Variants in SKAP1 observed in about 807,000 individuals in gnomAD.
SKAP1 encodes src kinase associated phosphoprotein 1.
Under a neutral mutation model 58.5 loss-of-function variants are expected in SKAP1, and 44 were observed. That is an observed-to-expected ratio of 0.75 (90% CI 0.59 to 0.97). The LOEUF (loss-of-function observed/expected upper bound fraction) is 0.97, where lower values mean the gene tolerates loss of function less well. Ranked by LOEUF, SKAP1 falls within the 50% of genes least tolerant of loss-of-function variation. SKAP1 has a pLI of 0.00. For missense variants in SKAP1, 390 were observed against 435.2 expected (o/e 0.90, Z 0.92); for synonymous variants, 127 against 149.7 (o/e 0.85, Z 1.11).
At chr17:48,353,969 A>G (rs1271363387) in intron 3 of SKAP1, among the ~76,000 whole-genome samples, 1 of 148,866 alleles carries the variant, frequency 6.7e-6, no homozygotes, top group East Asian at 2.0e-4. Flanking sequence ...AGAGGAAGAA[A>G]AAGAAGAAGA....
At chr17:48,195,564 T>C (rs1206309265) in intron 4 of SKAP1, among the ~76,000 whole-genome samples, 1 of 152,204 alleles carries the variant, frequency 6.6e-6, no homozygotes, top group African/African-American at 2.4e-5. Context: ...CAGATGGCTT[T>C]AAACTAACTG....
intron 4 of SKAP1, among the ~76,000 whole-genome samples, chr17:48,222,005 T>G (rs775381259): frequency 6.6e-6 from 1 of 152,186 alleles, no homozygotes; most frequent in African/African-American, 2.4e-5. Flanking sequence ...AAATATGGTA[T>G]GTAAATGTAA....
At chr17:48,409,771 G>C (rs1225796096) in intron 1 of SKAP1, among the ~76,000 whole-genome samples, 1 of 151,954 alleles carries the variant, frequency 6.6e-6, no homozygotes, top group Non-Finnish European at 1.5e-5. Context: ...TTTTAGGGTA[G>C]TGAAATTATA....
chr17:48,395,291 C>A (rs1473036864), intron 2 of SKAP1, among the ~76,000 whole-genome samples: 3 of 152,134 alleles, frequency 2.0e-5, no homozygotes, highest in Non-Finnish European at 2.9e-5. Context: ...TGCTGTGGTA[C>A]AAATACAGGA....
At chr17:48,433,694 G>A (rs1033480997), upstream of SKAP1, among the ~76,000 whole-genome samples, 1 of 152,202 alleles carries the variant, frequency 6.6e-6, no homozygotes, top group Admixed American at 6.5e-5. Flanking sequence ...GATCTAAAGA[G>A]ATGTAGAACA....
At chr17:48,135,115 T>G (rs1195090717) in intron 12 of SKAP1, among the ~76,000 whole-genome samples, 2 of 152,238 alleles carry the variant, frequency 1.3e-5, no homozygotes, top group East Asian at 3.8e-4. Flanking sequence ...AGGCCTGAGC[T>G]GGTGTTGTAT....
chr17:48,364,689 A>G (rs527733942), intron 2 of SKAP1, among the ~76,000 whole-genome samples: 1 of 152,088 alleles, frequency 6.6e-6, no homozygotes, highest in East Asian at 1.9e-4. Context: ...AAACAAAACA[A>G]ACAACAACAA....
intron 1 of SKAP1, among the ~76,000 whole-genome samples, chr17:48,404,545 T>C (rs1210948212): frequency 6.6e-6 from 1 of 152,074 alleles, no homozygotes; most frequent in Non-Finnish European, 1.5e-5. Flanking sequence ...GAGAGGAAAA[T>C]ATATACTAAA....
intron 4 of SKAP1, among the ~76,000 whole-genome samples, chr17:48,287,758 G>A (rs1429353152): frequency 1.3e-5 from 2 of 152,056 alleles, no homozygotes; most frequent in Non-Finnish European, 2.9e-5. Flanking sequence ...TCAAATACCC[G>A]TCAGCTGTAC....
chr17:48,202,863 A>G (rs1390348963), intron 4 of SKAP1, among the ~76,000 whole-genome samples: 1 of 152,224 alleles, frequency 6.6e-6, no homozygotes, highest in Non-Finnish European at 1.5e-5. Flanking sequence ...AATCTAAACT[A>G]GGCCCTGCCA....
At chr17:48,204,006 C>T (rs1458113392) in intron 4 of SKAP1, 1 of 152,166 alleles carries the variant, frequency 6.6e-6, no homozygotes, top group Non-Finnish European at 1.5e-5. Context: ...AAAGATCTCA[C>T]CAGTCTGGCC....
chr17:48,148,451 ATGTG>A (rs1391262325), intron 11 of SKAP1, among the ~76,000 whole-genome samples: 2 of 152,238 alleles, frequency 1.3e-5, no homozygotes, highest in Non-Finnish European at 2.9e-5. Context: ...TTGTGATACC[ATGTG>A]AGACGGGCGT....
intron 9 of SKAP1, among the ~76,000 whole-genome samples, chr17:48,175,543 T>C (rs533765875): frequency 1.3e-5 from 2 of 152,354 alleles, no homozygotes; most frequent in South Asian, 4.1e-4. Flanking sequence ...CTCAAAATAT[T>C]CGCATCCTAT....
At chr17:48,435,950 G>A in the SKAP1 span, among the ~76,000 whole-genome samples, 8 of 152,360 alleles carry the variant, frequency 5.3e-5, no homozygotes, top group Non-Finnish European at 8.8e-5. Context: ...TGATTATTTC[G>A]ATGTAAGAAA....
At chr17:48,427,034 G>C (rs2067861565) in intron 1 of SKAP1, among the ~76,000 whole-genome samples, 1 of 151,852 alleles carries the variant, frequency 6.6e-6, no homozygotes. Flanking sequence ...GTAATGCATG[G>C]TCATTGTCAC....
chr17:48,415,378 A>G (rs1317773785), intron 1 of SKAP1, among the ~76,000 whole-genome samples: 1 of 152,218 alleles, frequency 6.6e-6, no homozygotes, highest in African/African-American at 2.4e-5. Flanking sequence ...AGTACTGGCA[A>G]ATACTCTTCA....
intron 11 of SKAP1, among the ~76,000 whole-genome samples, chr17:48,154,775 TTGGCTGGGCGTGG>T (rs1219106133): frequency 6.6e-6 from 1 of 152,098 alleles, no homozygotes; most frequent in African/African-American, 2.4e-5. Context: ...AAGTCTTATC[TTGGCTGGGCGTGG>T]TGGCTCACAC....
At chr17:48,266,946 G>A (rs960871999) in intron 4 of SKAP1, among the ~76,000 whole-genome samples, 2 of 152,086 alleles carry the variant, frequency 1.3e-5, no homozygotes, top group Non-Finnish European at 2.9e-5. Context: ...CTTTCTTTCT[G>A]TGACTAGACT....
intron 4 of SKAP1, among the ~76,000 whole-genome samples, chr17:48,343,930 G>T (rs1486994042): frequency 1.3e-5 from 2 of 152,156 alleles, no homozygotes; most frequent in Non-Finnish European, 2.9e-5. Flanking sequence ...TTTTAGATAA[G>T]TTAACTTCCC....
Sources: gnomAD v4.1 joint callset for allele counts (sites outside exome capture counted in the v4.1 genomes callset) on GRCh38, gnomAD v4.1.1 for gene constraint, MANE v1.5 for transcripts, NCBI Gene and HGNC (gene_info 2026-07-23, HGNC 2026-07-21) for gene names.